The following NEB variants were observed in gnomAD, a reference collection of about 807,000 sequenced individuals.
NEB encodes nemaline myopathy type 2.
NEB carries 512 observed loss-of-function variants against 952.2 expected under a neutral mutation model. That is an observed-to-expected ratio of 0.54 (90% confidence interval 0.50 to 0.58). NEB has a LOEUF of 0.58. Among genes scored for constraint, NEB ranks in the 20% least tolerant of loss-of-function variants. The pLI is 0.00. For missense variants in NEB, 8,428 were observed against 9,231.1 expected, an observed-to-expected ratio of 0.91 and a Z score of 3.56; for synonymous variants, 2,900 against 3,149.8, an observed-to-expected ratio of 0.92 and a Z score of 2.66.
intron 71 of NEB, among the ~76,000 whole-genome samples, chr2:151,625,046 G>GAC (rs1179122151): frequency 6.6e-6 from 1 of 152,136 alleles, no homozygotes; most frequent in Non-Finnish European, 1.5e-5. Flanking sequence ...ATAAAGGAGA[G>GAC]ACATTAAAGT....
chr2:151,642,538 C>A, intron 60 of NEB, 36 bp downstream of exon 60: 1 of 1,554,006 alleles, frequency 6.4e-7, no homozygotes, highest in Non-Finnish European at 8.8e-7. Flanking sequence ...ATCTTTGAGC[C>A]AAAGCTAAGG....
chr2:151,685,985 A>G (rs1307244182), intron 27 of NEB, among the ~76,000 whole-genome samples: 1 of 152,206 alleles, frequency 6.6e-6, no homozygotes, highest in African/African-American at 2.4e-5. Context: ...TTTTCACTGA[A>G]TACATTTATT....
intron 135 of NEB, among the ~76,000 whole-genome samples, chr2:151,542,321 G>A (rs1163570781): frequency 6.6e-6 from 1 of 152,098 alleles, no homozygotes; most frequent in Non-Finnish European, 1.5e-5. Context: ...GATCTCATCT[G>A]TACCTGTGAT....
chr2:151,569,151 A>C, intron 110 of NEB, 117 bp downstream of exon 110: 1 of 820,774 alleles, frequency 1.2e-6, no homozygotes, highest in Non-Finnish European at 2.0e-6. Context: ...TGCTCAGTTT[A>C]AATCACAGCA....
At chr2:151,715,003 C>G (rs914880909) in intron 10 of NEB, among the ~76,000 whole-genome samples, 1 of 152,210 alleles carries the variant, frequency 6.6e-6, no homozygotes, top group Non-Finnish European at 1.5e-5. Context: ...ACTCAGAAAT[C>G]TGGGTTAAGA....
chr2:151,537,779 C>A, intron 140 of NEB, 93 bp downstream of exon 140: 1 of 800,562 alleles, frequency 1.2e-6, no homozygotes, highest in Non-Finnish European at 1.8e-6. Context: ...AAAATCTAGC[C>A]AAGAGTTTCT....
chr2:151,721,682 T>C (rs1014762936), intron 9 of NEB, among the ~76,000 whole-genome samples: 1 of 152,240 alleles, frequency 6.6e-6, no homozygotes, highest in Non-Finnish European at 1.5e-5. Flanking sequence ...AAACTGCTTG[T>C]AGTACTTTTC....
rs1559337038 is a variant in NEB, at chr2:151,694,513, C to T, written c.1782+9G>A. 1 of 1,613,602 alleles carries T rather than the reference C, an allele frequency of 6.2e-7. No homozygotes were observed. Among genetic ancestry groups the T allele is most frequent in the Non-Finnish European group, 8.5e-7 (1 of 1,179,748 alleles). On this transcript the variant is annotated intron_variant, in intron 19 of 181. Coordinates refer to ENST00000397345, the MANE Select transcript of NEB (RefSeq NM_001164508.2). ...AGCCAGCCTGTCCAGGTCCCCAGGC[C>T]ACACTCACATCGCTGGTGTTCTTGG...
chr2:151,641,117 T>C (rs13428975), intron 60 of NEB, among the ~76,000 whole-genome samples: 45,541 of 152,044 alleles, frequency 0.3, 9,813 homozygotes, highest in East Asian at 0.61. Context: ...AAAATTATCT[T>C]TGCCTGCAAA....
rs1212529440 is a variant in NEB at position 151,694,525 on chromosome 2, G to A, written c.1779C>T (p.Ser593=). ...CAGGTCCCCAGGCCACACTCACATC[G>A]CTGGTGTTCTTGGTGTTGGCTTTGG... ...LAAKANTKNT[S]DVMYKKDYEK... Residue 593 remains serine (S), a synonymous_variant, in exon 19 of 182, where the codon AGC becomes AGT. Transcript: ENST00000397345. The A allele has an allele frequency of 1.3e-5, 21 of 1,613,280 alleles. No homozygotes were observed. The highest frequency in any genetic ancestry group is 4.5e-5 in the East Asian group (2 of 44,886).
At chr2:151,716,426 C>T (rs777756249) in intron 10 of NEB, among the ~76,000 whole-genome samples, 1 of 152,128 alleles carries the variant, frequency 6.6e-6, no homozygotes, top group Non-Finnish European at 1.5e-5. Flanking sequence ...TGTGAGCCAC[C>T]GCGCCTGGCC....
At position 151,493,521 on chromosome 2, in the gene NEB, A is replaced by G. The variant is rs185489270; in HGVS notation, c.24673-76T>C. The G allele has an allele frequency of 4.3e-4, 416 of 958,474 alleles. 3 individuals carry two copies. In the African/African-American group the frequency reaches 5.9e-3, roughly 14 times the overall value. 59.4% of individuals were successfully genotyped at this position (958,474 alleles called of 1,614,324 possible). On this transcript the variant is annotated intron_variant, in intron 175 of 181. Transcript: ENST00000397345. ...TGAAAATCATCACTTAGCTGGTGTT[A>G]TGGCTCATGTTATGGCTCAGTTATA...
chr2:151,557,380 C>A (rs1194704262), intron 124 of NEB, among the ~76,000 whole-genome samples: 2 of 152,130 alleles, frequency 1.3e-5, no homozygotes, highest in Non-Finnish European at 2.9e-5. Context: ...TAATTAATAG[C>A]CTCCCAGCCA....
rs1300207920 is a variant in NEB, at chr2:151,565,140, A to G, written c.18375T>C (p.Tyr6125=). The part of the protein sequence containing the change: ...INSVNQSDVK[Y]KETFNKAKGK... The stretch of plus-strand genomic sequence containing the variant: ...CCTTTGCTTTATTAAATGTTTCTTT[A>G]TATTTTACCTAAGGAGAGAAAACCA... The change falls in exon 117 of 182, where the codon TAT becomes TAC. Residue 6125 remains tyrosine, a synonymous_variant. Transcript: ENST00000397345. 18 of 1,533,106 alleles carry G rather than the reference A, an allele frequency of 1.2e-5. No individual in the cohort carries two copies. The highest frequency in any genetic ancestry group is 1.5e-5 in the Non-Finnish European group (17 of 1,118,994). The allele number at this position is 1,533,106 out of a possible 1,614,324, so 95.0% of individuals were successfully genotyped here. A position where few individuals can be genotyped will look rare whatever the true frequency, so the allele number is the denominator to read the frequency against.
intron 32 of NEB, among the ~76,000 whole-genome samples, chr2:151,679,161 G>A (rs2099396213): frequency 6.6e-6 from 1 of 152,084 alleles, no homozygotes; most frequent in African/African-American, 2.4e-5. Flanking sequence ...AATAACAGAT[G>A]GGGGCTTGAG....
rs538743682 is a variant in NEB at position 151,702,122 on chromosome 2, T to C, written c.1153-4474A>G. ...TTATTTCTGCCTTCATTTCGTTATGTACCCAGTAGTCATTCAGGAGCAGGT... is the reference window on the plus strand; with the variant it reads ...TTATTTCTGCCTTCATTTCGTTATGCACCCAGTAGTCATTCAGGAGCAGGT... On this transcript the variant is annotated intron_variant, in intron 13 of 181. Transcript: ENST00000397345. Among the ~76,000 whole-genome samples the C allele has an allele frequency of 4.7e-5, 7 of 147,434 alleles. No homozygotes were observed. In the South Asian group the frequency reaches 1.4e-3, roughly 29 times the overall value.
intron 52 of NEB, 81 bp downstream of exon 52, chr2:151,653,911 T>C (rs978615186): frequency 1.2e-6 from 1 of 847,166 alleles, no homozygotes. Flanking sequence ...AGGTAAAGAC[T>C]ATCCATAAAA....
chr2:151,614,654 A>T, intron 76 of NEB, 67 bp from the exon 77 acceptor site: 1 of 1,472,758 alleles, frequency 6.8e-7, no homozygotes, highest in Admixed American at 1.9e-5. Context: ...ATAGGTTCAC[A>T]TTCACATTGT....
At chr2:151,540,949 C>G in intron 136 of NEB, 148 bp from the exon 137 acceptor site, 1 of 675,218 alleles carries the variant, frequency 1.5e-6, no homozygotes, top group Non-Finnish European at 2.6e-6. Context: ...TTGTTATATG[C>G]GTTTCTGTTC....
Sources: gnomAD v4.1 joint callset for allele counts (sites outside exome capture counted in the v4.1 genomes callset) on GRCh38, gnomAD v4.1.1 for gene constraint, MANE v1.5 for transcripts, NCBI Gene and HGNC (gene_info 2026-07-23, HGNC 2026-07-21) for gene names.